The following ADAMTSL1 variants were observed in gnomAD, a reference collection of about 807,000 sequenced individuals.
The protein encoded by ADAMTSL1 is ADAMTS like 1.
Under a neutral mutation model 201.8 loss-of-function variants are expected in ADAMTSL1, and 126 were observed. That is an observed-to-expected ratio of 0.62 (90% confidence interval 0.54 to 0.72). ADAMTSL1 has a LOEUF of 0.72. ADAMTSL1 is among the 30% of genes least tolerant of loss of function. The probability of loss-of-function intolerance (pLI) is 0.00; values close to 1 mark genes in which losing one functional copy is unlikely to be tolerated. For synonymous variants in ADAMTSL1, 1,121 were observed against 903.4 expected (o/e 1.24, Z -4.32); for missense variants, 2,679 against 2,277.8 (o/e 1.18, Z -3.59).
chr9:18,452,298 C>G (rs1481909756), intron 2 of ADAMTSL1, among the ~76,000 whole-genome samples: 1 of 152,168 alleles, frequency 6.6e-6, no homozygotes, highest in South Asian at 2.1e-4. Flanking sequence ...AAGGGCAGAA[C>G]CTTCATGACC....
intron 1 of ADAMTSL1, among the ~76,000 whole-genome samples, chr9:17,949,679 C>G (rs1827652125): frequency 6.6e-6 from 1 of 152,114 alleles, no homozygotes; most frequent in African/African-American, 2.4e-5. Context: ...AAACCTGAGG[C>G]CCTTTCTTAT....
chr9:18,666,696 GTGAAAGGTCAGGTCCATCA>G (rs1829456934), intron 9 of ADAMTSL1, among the ~76,000 whole-genome samples: 1 of 152,130 alleles, frequency 6.6e-6, no homozygotes. Flanking sequence ...TACCTCTTGG[GTGAAAGGTCAGGTCCATCA>G]TGTGGCCAGA....
intron 2 of ADAMTSL1, among the ~76,000 whole-genome samples, chr9:18,284,750 C>T (rs1263897795): frequency 1.3e-5 from 2 of 152,166 alleles, no homozygotes; most frequent in African/African-American, 4.8e-5. Context: ...TCCTTCCAGA[C>T]TTTTAATGCA....
At chr9:18,631,569 G>A (rs970066458) in intron 5 of ADAMTSL1, among the ~76,000 whole-genome samples, 3 of 152,046 alleles carry the variant, frequency 2.0e-5, no homozygotes, top group Non-Finnish European at 4.4e-5. Context: ...ACTCATCAAC[G>A]GATCTAAAAA....
At chr9:18,225,699 T>C (rs1483133193) in intron 2 of ADAMTSL1, among the ~76,000 whole-genome samples, 1 of 152,170 alleles carries the variant, frequency 6.6e-6, no homozygotes, top group Non-Finnish European at 1.5e-5. Flanking sequence ...TGTTCAGAAG[T>C]ATTTTTAATA....
At position 18,775,912 on chromosome 9, in the gene ADAMTSL1, C is replaced by T. The variant is rs772515087; in HGVS notation, c.2551+16C>T. ...ACCTGTGCAAGTAAGTATGTCAGGG[C>T]TCTGGGAATGGGGAGATGAAACCCA... On this transcript the variant is annotated intron_variant, in intron 18 of 28. Coordinates refer to ENST00000380548, the MANE Select transcript of ADAMTSL1 (RefSeq NM_001040272.6). 27 of 1,579,848 alleles carry T rather than the reference C, an allele frequency of 1.7e-5. No individual in the cohort carries two copies. The highest frequency in any genetic ancestry group is 2.3e-5 in the Non-Finnish European group (27 of 1,161,802).
intron 7 of ADAMTSL1, among the ~76,000 whole-genome samples, chr9:18,646,691 T>A (rs1178588614): frequency 6.6e-6 from 1 of 151,886 alleles, no homozygotes; most frequent in Admixed American, 6.6e-5. Flanking sequence ...CTGGATTACA[T>A]TTATTGATTT....
intron 2 of ADAMTSL1, among the ~76,000 whole-genome samples, chr9:18,282,645 C>G (rs1460332966): frequency 6.6e-6 from 1 of 152,194 alleles, no homozygotes; most frequent in Admixed American, 6.5e-5. Flanking sequence ...CGCCTGTAAT[C>G]CTAGCACTTT....
At chr9:17,996,105 TTG>T (rs957891855) in intron 1 of ADAMTSL1, among the ~76,000 whole-genome samples, 2 of 152,090 alleles carry the variant, frequency 1.3e-5, no homozygotes, top group African/African-American at 4.8e-5. Flanking sequence ...GTGGATAAAC[TTG>T]TCTCATCTAT....
chr9:18,297,591 C>A (rs1833523424), intron 2 of ADAMTSL1, among the ~76,000 whole-genome samples: 2 of 152,172 alleles, frequency 1.3e-5, no homozygotes, highest in African/African-American at 4.8e-5. Flanking sequence ...CGTAAAAGGT[C>A]ATGTGCTTAA....
chr9:17,947,420 T>G (rs1206009769), intron 1 of ADAMTSL1, among the ~76,000 whole-genome samples: 1 of 151,902 alleles, frequency 6.6e-6, no homozygotes, highest in Non-Finnish European at 1.5e-5. Flanking sequence ...GGGCACAATT[T>G]CAAATTGTTT....
chr9:18,202,308 A>G, intron 2 of ADAMTSL1, among the ~76,000 whole-genome samples: 1 of 152,220 alleles, frequency 6.6e-6, no homozygotes, highest in East Asian at 1.9e-4. Context: ...AACAAGCTAT[A>G]TAATATTCAA....
At chr9:18,345,497 A>C (rs1381658539) in intron 2 of ADAMTSL1, among the ~76,000 whole-genome samples, 1 of 152,192 alleles carries the variant, frequency 6.6e-6, no homozygotes, top group South Asian at 2.1e-4. Flanking sequence ...TATGTTTTCT[A>C]GGATTTGACA....
intron 1 of ADAMTSL1, among the ~76,000 whole-genome samples, chr9:17,930,238 C>T (rs1826722766): frequency 6.6e-6 from 1 of 152,074 alleles, no homozygotes; most frequent in African/African-American, 2.4e-5. Flanking sequence ...CCTGGTTTGA[C>T]TGGTTTGATG....
chr9:18,199,782 T>G (rs895769670), intron 2 of ADAMTSL1, among the ~76,000 whole-genome samples: 1 of 152,136 alleles, frequency 6.6e-6, no homozygotes, highest in African/African-American at 2.4e-5. Flanking sequence ...GCAAGATTTA[T>G]AAAATTCTTC....
At chr9:18,091,117 A>G (rs528759087) in intron 1 of ADAMTSL1, among the ~76,000 whole-genome samples, 8 of 151,800 alleles carry the variant, frequency 5.3e-5, no homozygotes, top group African/African-American at 1.4e-4. Context: ...AAATCAGCCA[A>G]TTACTGGATA....
At chr9:18,529,398 G>T (rs953010807) in intron 2 of ADAMTSL1, among the ~76,000 whole-genome samples, 1 of 152,114 alleles carries the variant, frequency 6.6e-6, no homozygotes, top group African/African-American at 2.4e-5. Context: ...AGCACATCAT[G>T]TTCCTTTTCT....
chr9:18,634,909 A>ATATATATAAATATGTATGT (rs1491411013), intron 5 of ADAMTSL1, among the ~76,000 whole-genome samples: 2 of 138,228 alleles, frequency 1.4e-5, no homozygotes, highest in Admixed American at 7.6e-5. Context: ...ATATATATTT[A>ATATATATAAATATGTATGT]ATATATATAT....
At chr9:18,428,725 G>T (rs763437513) in intron 2 of ADAMTSL1, among the ~76,000 whole-genome samples, 4 of 152,138 alleles carry the variant, frequency 2.6e-5, no homozygotes, top group Non-Finnish European at 4.4e-5. Flanking sequence ...CATGATTTTT[G>T]ACCATTTCAA....
Sources: gnomAD v4.1 joint callset for allele counts (sites outside exome capture counted in the v4.1 genomes callset) on GRCh38, gnomAD v4.1.1 for gene constraint, MANE v1.5 for transcripts, NCBI Gene and HGNC (gene_info 2026-07-23, HGNC 2026-07-21) for gene names.